The following PCMT1 variants were observed in gnomAD, a reference collection of about 807,000 sequenced individuals.
PCMT1 encodes the protein protein-L-isoaspartate (D-aspartate) O-methyltransferase, also known as protein-L-isoaspartate(D-aspartate) O-methyltransferase.
Under a neutral mutation model 29.2 loss-of-function variants are expected in PCMT1, and 9 were observed. That is an observed-to-expected ratio of 0.31 (90% confidence interval 0.19 to 0.54). The LOEUF (loss-of-function observed/expected upper bound fraction) is 0.54. Ranked by LOEUF, PCMT1 falls within the 20% of genes least tolerant of loss-of-function variation. The probability of loss-of-function intolerance (pLI) is 0.95; values close to 1 mark genes in which losing one functional copy is unlikely to be tolerated. For missense variants in PCMT1, 184 were observed against 282.2 expected, an observed-to-expected ratio of 0.65 and a Z score of 2.49; for synonymous variants, 98 against 97.5, an observed-to-expected ratio of 1.00 and a Z score of -0.03.
chr6:149,768,538 G>A (rs1201749462), intron 1 of PCMT1, among the ~76,000 whole-genome samples: 2 of 132,072 alleles, frequency 1.5e-5, no homozygotes, highest in African/African-American at 5.7e-5. Context: ...TGCAACCTCC[G>A]CCTCCCAGGC....
chr6:149,766,491 C>A (rs1112729), intron 1 of PCMT1, among the ~76,000 whole-genome samples: 81,143 of 152,068 alleles, frequency 0.53, 24,836 homozygotes, highest in East Asian at 0.83. Context: ...AAGTGTAACC[C>A]CCAACTTCAT....
chr6:149,809,020 T>C (rs1292397976), intron 7 of PCMT1, among the ~76,000 whole-genome samples: 1 of 149,920 alleles, frequency 6.7e-6, no homozygotes, highest in Non-Finnish European at 1.5e-5. Flanking sequence ...TTTGGGAGGC[T>C]GAGGTGGGCA....
chr6:149,761,301 A>G (rs1169794493), intron 1 of PCMT1, among the ~76,000 whole-genome samples: 1 of 152,116 alleles, frequency 6.6e-6, no homozygotes, highest in African/African-American at 2.4e-5. Context: ...ATACACATAC[A>G]TACTATCTAT....
intron 3 of PCMT1, among the ~76,000 whole-genome samples, chr6:149,781,575 C>T (rs1787818461): frequency 6.6e-6 from 1 of 152,104 alleles, no homozygotes; most frequent in South Asian, 2.1e-4. Flanking sequence ...AGGCTGGTCT[C>T]AAACTCCTGA....
At chr6:149,775,954 G>GT (rs1202088272) in intron 3 of PCMT1, among the ~76,000 whole-genome samples, 1 of 152,110 alleles carries the variant, frequency 6.6e-6, no homozygotes, top group East Asian at 1.9e-4. Flanking sequence ...GAGGTTGGGA[G>GT]TTTGAGACCA....
intron 6 of PCMT1, among the ~76,000 whole-genome samples, chr6:149,801,268 TATA>T (rs1775818965): frequency 6.6e-6 from 1 of 152,202 alleles, no homozygotes; most frequent in Non-Finnish European, 1.5e-5. Context: ...GGTAATTTTG[TATA>T]ATATTTCAAA....
At position 149,802,504 on chromosome 6, in the gene PCMT1, T is replaced by C. The variant is rs148104760; in HGVS notation, c.*37+88T>C. 1,300 of 1,311,452 alleles carry C rather than the reference T, an allele frequency of 9.9e-4. 37 individuals carry two copies. In the Admixed American group the frequency reaches 0.039, roughly 40 times the overall value. 81.2% of individuals were successfully genotyped at this position (1,311,452 alleles called of 1,614,324 possible). On this transcript the variant is annotated intron_variant, in intron 7 of 7. Coordinates refer to ENST00000464889, the MANE Select transcript of PCMT1 (RefSeq NM_001360452.2). ...GCTCCTCCATTATAACGTCAGAAAT[T>C]CATTACATTAAAAATGTGAAAAATG...
intron 2 of PCMT1, chr6:149,772,821 T>A: frequency 2.9e-6 from 1 of 340,880 alleles, no homozygotes; most frequent in Non-Finnish European, 5.6e-6. Context: ...ATCGAGACCA[T>A]CCTGGCTAAC....
intron 5 of PCMT1, chr6:149,795,578 T>C (rs1283104889): frequency 9.5e-6 from 5 of 525,232 alleles, no homozygotes; most frequent in Non-Finnish European, 1.7e-5. Flanking sequence ...CACAACCCAA[T>C]GAGAAAGGAG....
At chr6:149,775,315 CAG>C (rs1213626718) in intron 3 of PCMT1, among the ~76,000 whole-genome samples, 24 of 152,104 alleles carry the variant, frequency 1.6e-4, no homozygotes, top group African/African-American at 5.8e-4. Flanking sequence ...TGAAACATGA[CAG>C]AAAACACAGA....
intron 1 of PCMT1, among the ~76,000 whole-genome samples, chr6:149,755,935 A>G (rs998456248): frequency 1.3e-5 from 2 of 152,206 alleles, no homozygotes; most frequent in Admixed American, 6.5e-5. Context: ...GAGTAGACAC[A>G]TATCACGCAG....
chr6:149,774,451 G>C (rs913783230), intron 3 of PCMT1, among the ~76,000 whole-genome samples: 2 of 150,592 alleles, frequency 1.3e-5, no homozygotes, highest in African/African-American at 4.9e-5. Flanking sequence ...ATGTTGGCCA[G>C]GCTGGTCTTG....
At chr6:149,778,119 T>G (rs1787652589) in intron 3 of PCMT1, among the ~76,000 whole-genome samples, 1 of 151,652 alleles carries the variant, frequency 6.6e-6, no homozygotes. Context: ...TCAAGTGATC[T>G]GCCTGACTCG....
chr6:149,750,373 C>T (rs1786258488), intron 1 of PCMT1: 1 of 181,944 alleles, frequency 5.5e-6, no homozygotes, highest in East Asian at 1.5e-4. Context: ...CCCTCGTCCC[C>T]TGCATTTTTC....
At chr6:149,792,902 C>T (rs966254894) in intron 4 of PCMT1, among the ~76,000 whole-genome samples, 3 of 152,092 alleles carry the variant, frequency 2.0e-5, no homozygotes, top group Non-Finnish European at 2.9e-5. Context: ...GTGGCTCAGT[C>T]CTGTAATCCC....
chr6:149,791,220 C>G (rs956237140), intron 4 of PCMT1, among the ~76,000 whole-genome samples: 1 of 152,192 alleles, frequency 6.6e-6, no homozygotes, highest in Non-Finnish European at 1.5e-5. Flanking sequence ...TTTCCCAGCA[C>G]CCTCTCCACT....
chr6:149,772,249 TA>T (rs1441601222), intron 2 of PCMT1: 1 of 356,990 alleles, frequency 2.8e-6, no homozygotes, highest in East Asian at 7.7e-5. Flanking sequence ...AAGAAGCAGG[TA>T]AATAAGTTTT....
At chr6:149,760,616 G>A (rs1786695669) in intron 1 of PCMT1, among the ~76,000 whole-genome samples, 1 of 152,156 alleles carries the variant, frequency 6.6e-6, no homozygotes, top group Admixed American at 6.5e-5. Flanking sequence ...CACTTTGGGA[G>A]GTCGAGGTGG....
In PCMT1 at chr6:149,749,885, T is replaced by G. The variant is rs1786230464; in HGVS notation, c.-17T>G. 1 of 1,606,574 alleles carries G rather than the reference T, an allele frequency of 6.2e-7. No homozygotes were observed. Among genetic ancestry groups the G allele is most frequent in the Non-Finnish European group, 8.5e-7 (1 of 1,176,896 alleles). On this transcript the variant is annotated 5_prime_UTR_variant, in exon 1 of 8. Coordinates refer to ENST00000464889, the MANE Select transcript of PCMT1 (RefSeq NM_001360452.2). ...GCGCTGAAGGTGGTTCTGTACCTGC[T>G]CCGAGTGTGCTTAGCGATGGCCTGG...
Sources: allele counts gnomAD v4.1 joint callset (sites outside exome capture counted in the v4.1 genomes callset), GRCh38; gene constraint gnomAD v4.1.1; transcripts MANE v1.5; gene names NCBI Gene and HGNC (gene_info 2026-07-23, HGNC 2026-07-21).